The following TRPC6 variants were observed in gnomAD, a reference collection of about 807,000 sequenced individuals.
TRPC6 encodes the protein transient receptor potential cation channel subfamily C member 6.
In TRPC6, 55 loss-of-function variants were observed where a neutral mutation model predicts 90.7. That is an observed-to-expected ratio of 0.61 (90% CI 0.49 to 0.76). TRPC6 has a LOEUF of 0.76. Among genes scored for constraint, TRPC6 ranks in the 30% least tolerant of loss-of-function variants. The pLI is 0.00. For missense variants in TRPC6, 989 were observed against 1,122.7 expected (o/e 0.88, Z 1.70); for synonymous variants, 393 against 393.0 (o/e 1.00, Z 0.00).
chr11:101,556,319 G>C (rs552538254), intron 1 of TRPC6, among the ~76,000 whole-genome samples: 9 of 143,428 alleles, frequency 6.3e-5, no homozygotes, highest in African/African-American at 2.1e-4. Context: ...CTTTAGTTGG[G>C]CTCACTAAGA....
At chr11:101,464,768 A>T (rs554118474) in intron 10 of TRPC6, among the ~76,000 whole-genome samples, 1 of 152,200 alleles carries the variant, frequency 6.6e-6, no homozygotes, top group South Asian at 2.1e-4. Flanking sequence ...GTGTCTTTTA[A>T]TTGGGGCATT....
intron 5 of TRPC6, among the ~76,000 whole-genome samples, chr11:101,481,984 A>T (rs1174942162): frequency 6.6e-6 from 1 of 152,118 alleles, no homozygotes; most frequent in Non-Finnish European, 1.5e-5. Context: ...TTGTCTCCCA[A>T]ACAGGTCTGT....
intron 2 of TRPC6, among the ~76,000 whole-genome samples, chr11:101,499,890 G>A (rs183841776): frequency 1.5e-4 from 5 of 33,148 alleles, no homozygotes; most frequent in Admixed American, 2.5e-4. Flanking sequence ...TATATACACA[G>A]TATAAAATGT....
intron 1 of TRPC6, among the ~76,000 whole-genome samples, chr11:101,568,820 T>G (rs541141935): frequency 6.6e-6 from 1 of 152,186 alleles, no homozygotes; most frequent in Non-Finnish European, 1.5e-5. Context: ...TGCTGAGAGA[T>G]TGTGTCACCA....
chr11:101,515,787 A>T (rs1167470031), intron 1 of TRPC6, among the ~76,000 whole-genome samples: 1 of 152,190 alleles, frequency 6.6e-6, no homozygotes, highest in Non-Finnish European at 1.5e-5. Flanking sequence ...TGTCAAGTAA[A>T]TTATAAGTTT....
chr11:101,534,135 C>T (rs1860978190), intron 1 of TRPC6, among the ~76,000 whole-genome samples: 1 of 152,048 alleles, frequency 6.6e-6, no homozygotes, highest in African/African-American at 2.4e-5. Flanking sequence ...TCCCTTCCTT[C>T]CCTCTCTTCT....
chr11:101,535,175 AAAGGAAGGAAGG>A (rs199866910), intron 1 of TRPC6, among the ~76,000 whole-genome samples: 3,422 of 129,550 alleles, frequency 0.026, 99 homozygotes, highest in African/African-American at 0.058. Flanking sequence ...GAAAGAAAAG[AAAGGAAGGAAGG>A]AAGGAAGGAA....
chr11:101,467,106 T>C (rs1324378896), intron 10 of TRPC6, among the ~76,000 whole-genome samples: 1 of 152,228 alleles, frequency 6.6e-6, no homozygotes, highest in Non-Finnish European at 1.5e-5. Flanking sequence ...ACCTGCCTTC[T>C]GCGTCGATCT....
At chr11:101,575,047 A>C (rs139929942) in intron 1 of TRPC6, among the ~76,000 whole-genome samples, 26 of 152,290 alleles carry the variant, frequency 1.7e-4, no homozygotes, top group African/African-American at 6.3e-4. Flanking sequence ...CCACACTGTA[A>C]TTGATTCCTG....
At chr11:101,475,615 CA>C (rs1341634235) in intron 6 of TRPC6, among the ~76,000 whole-genome samples, 1 of 151,970 alleles carries the variant, frequency 6.6e-6, no homozygotes, top group Non-Finnish European at 1.5e-5. Flanking sequence ...TACCTTTGGC[CA>C]ACATCTCCCC....
At chr11:101,500,196 T>C (rs547176509) in intron 2 of TRPC6, among the ~76,000 whole-genome samples, 32 of 144,270 alleles carry the variant, frequency 2.2e-4, no homozygotes, top group African/African-American at 8.0e-4. Context: ...TTTTTCAAAA[T>C]GTGTATTTTT....
intron 6 of TRPC6, among the ~76,000 whole-genome samples, chr11:101,475,661 C>T (rs931957740): frequency 1.1e-4 from 16 of 145,056 alleles, no homozygotes; most frequent in African/African-American, 4.2e-4. Context: ...CTGACAACCA[C>T]CATTACCTTC....
At chr11:101,553,670 GC>G (rs1861499939) in intron 1 of TRPC6, among the ~76,000 whole-genome samples, 2 of 152,066 alleles carry the variant, frequency 1.3e-5, no homozygotes, top group African/African-American at 4.8e-5. Flanking sequence ...TGAGAACTTA[GC>G]ATACACTGGA....
rs1416348886 is a variant in TRPC6 at position 101,546,050 on chromosome 11, C to T, written c.170+37284G>A. 8.4e-4 allele frequency among the ~76,000 whole-genome samples: 25 copies of T among 29,690 alleles called. 3 individuals carry two copies. Among genetic ancestry groups the T allele is most frequent in the Admixed American group, 1.7e-3 (3 of 1,760 alleles). 19.5% of individuals were successfully genotyped at this position (29,690 alleles called of 152,430 possible). A position where few individuals can be genotyped will look rare whatever the true frequency, so the allele number is the denominator to read the frequency against. On this transcript the variant is annotated intron_variant, in intron 1 of 12. Transcript: ENST00000344327. The stretch of plus-strand genomic sequence containing the variant: ...TGGATCTAGTATCACATTTATAACT[C>T]TTTTTTTTTTTTTTTTTTTTTTTTT...
chr11:101,483,418 A>T (rs1317705989), intron 4 of TRPC6, among the ~76,000 whole-genome samples: 1 of 152,200 alleles, frequency 6.6e-6, no homozygotes, highest in Non-Finnish European at 1.5e-5. Context: ...GGATATTTAA[A>T]TTCTTAAAAT....
rs139005744 is a variant in TRPC6, at chr11:101,497,114, T to A, written c.946-5376A>T. ...CATACCTGGATTTGAATTTCTGCCC[T>A]GCCACTTATATAACTATATGATCTT... On this transcript the variant is annotated intron_variant, in intron 2 of 12. Coordinates refer to ENST00000344327, the MANE Select transcript of TRPC6 (RefSeq NM_004621.6). 3.4e-3 allele frequency among the ~76,000 whole-genome samples: 511 copies of A among 152,348 alleles called. 3 individuals carry two copies. Among genetic ancestry groups the A allele is most frequent in the African/African-American group, 0.011 (460 of 41,578 alleles).
Position 101,489,189 on chromosome 11 carries a change from TC to T in TRPC6, c.1129-89del, listed in dbSNP as rs1859746200. ...CATGTGTTCTAATAGTTCCATGCTT[TC>T]CAATGAAATACATTGTTAGAATTAA... On this transcript the variant is annotated intron_variant, in intron 3 of 12. Coordinates refer to ENST00000344327, the MANE Select transcript of TRPC6 (RefSeq NM_004621.6). 48 of 1,177,244 alleles carry T rather than the reference TC, an allele frequency of 4.1e-5. 1 individual carries two copies. In the South Asian group the frequency reaches 5.4e-4, roughly 13 times the overall value. 72.9% of individuals were successfully genotyped at this position (1,177,244 alleles called of 1,614,324 possible). A position where few individuals can be genotyped will look rare whatever the true frequency, so the allele number is the denominator to read the frequency against.
intron 1 of TRPC6, among the ~76,000 whole-genome samples, chr11:101,549,991 T>C (rs1271349667): frequency 6.6e-6 from 1 of 151,530 alleles, no homozygotes; most frequent in Non-Finnish European, 1.5e-5. Context: ...AATTATAACC[T>C]CCCTTTTTTC....
chr11:101,547,052 G>A (rs756100264), intron 1 of TRPC6, among the ~76,000 whole-genome samples: 10 of 152,066 alleles, frequency 6.6e-5, no homozygotes, highest in East Asian at 1.9e-4. Flanking sequence ...ACAAAAAAAC[G>A]ATCTTCACAA....
Sources: allele counts gnomAD v4.1 joint callset (sites outside exome capture counted in the v4.1 genomes callset), GRCh38; gene constraint gnomAD v4.1.1; transcripts MANE v1.5; gene names NCBI Gene and HGNC (gene_info 2026-07-23, HGNC 2026-07-21).